SSR4: variants seen among roughly 807,000 people sequenced by gnomAD.
The protein encoded by SSR4 is signal sequence receptor subunit 4.
For missense variants in SSR4, 125 were observed against 148.8 expected (o/e 0.84, Z 0.83); for synonymous variants, 84 against 65.6 (o/e 1.28, Z -1.35).
intron 2 of SSR4, 61 bp downstream of exon 2, chrX:153,796,613 T>G: frequency 3.5e-6 from 3 of 848,055 alleles, no homozygotes; most frequent in Non-Finnish European, 5.3e-6. Context: ...TGCTAGTTGA[T>G]GGGGGACCTG....
At position 153,797,718 on chromosome X, in the gene SSR4, A is replaced by G. The variant is rs782259063; in HGVS notation, c.262-7A>G. 5.0e-6 allele frequency: 6 copies of G among 1,208,624 alleles called. No homozygotes were observed. The highest frequency in any genetic ancestry group is 5.6e-6 in the Non-Finnish European group (5 of 893,424). ...TCTGCCCACACTCTGCTCAACACCC[A>G]ACCCAGGTGTCCTGGAGCCTGGACC... On this transcript the variant is annotated splice_region_variant and splice_polypyrimidine_tract_variant and intron_variant, in intron 3 of 5. Transcript: ENST00000370086.
rs1325781904 is a variant in SSR4 at position 153,797,349 on chromosome X, C to T, written c.187-109C>T. 5 of 655,621 alleles carry T rather than the reference C, an allele frequency of 7.6e-6. No individual in the cohort carries two copies. In the African/African-American group the frequency reaches 1.1e-4, roughly 14 times the overall value. The allele number at this position is 655,621 out of a possible 1,213,427, so 54.0% of individuals were successfully genotyped here. A position where few individuals can be genotyped will look rare whatever the true frequency, so the allele number is the denominator to read the frequency against. ...CTCCTGCCAGGGACACTGCAGCCCC[C>T]AACTGGGCCTAGCCTGCCCACCTGC... On this transcript the variant is annotated intron_variant, in intron 2 of 5. Transcript: ENST00000370086.
At position 153,796,534 on chromosome X, in the gene SSR4, A is replaced by G. The variant is rs201193740; in HGVS notation, c.168A>G (p.Thr56=). The change falls in exon 2 of 6, where the codon ACA becomes ACG. Residue 56 remains threonine (T), a synonymous_variant. Coordinates refer to ENST00000370086, the MANE Select transcript of SSR4 (RefSeq NM_006280.3). ...ETVFIVEISL[T]CKNRVQNMAL... is the part of the protein sequence containing the mutation. ...TCTTCATTGTGGAGATCTCCCTGAC[A>G]TGCAAGAACAGGGTCCAGGTGAGAC... 4.2e-6 allele frequency: 5 copies of G among 1,197,911 alleles called. No homozygotes were observed. The highest frequency in any genetic ancestry group is 5.6e-6 in the Non-Finnish European group (5 of 885,641).
At chrX:153,797,846 T>A in intron 4 of SSR4, 32 bp downstream of exon 4, 3 of 1,107,123 alleles carry the variant, frequency 2.7e-6, no homozygotes, top group Non-Finnish European at 3.7e-6. Context: ...TGTGCTCCCC[T>A]GTCCCTGGGG....
chrX:153,796,804 G>C (rs931897668), intron 2 of SSR4: 111 of 364,951 alleles, frequency 3.0e-4, no homozygotes, highest in African/African-American at 2.6e-3. Context: ...TCTGGACCGG[G>C]AGAAAGGGCC....
chrX:153,794,804 G>T, intron 1 of SSR4, 50 bp downstream of exon 1: 1 of 1,178,432 alleles, frequency 8.5e-7, no homozygotes, highest in Non-Finnish European at 1.1e-6. Flanking sequence ...ACCCACGGCA[G>T]GTGGTGTTGG....
chrX:153,794,377 C>T, upstream of SSR4: 1 of 1,162,754 alleles, frequency 8.6e-7, no homozygotes, highest in Non-Finnish European at 1.1e-6. Context: ...ACCGCTCTCG[C>T]GAGAGTTCGA....
In SSR4 at chrX:153,797,937, T is replaced by C. The variant is rs1374746358; in HGVS notation, c.351+123T>C. 16 of 871,253 alleles carry C rather than the reference T, an allele frequency of 1.8e-5. No homozygotes were observed. In the East Asian group the frequency reaches 4.4e-4, roughly 24 times the overall value. The allele number at this position is 871,253 out of a possible 1,213,427, so 71.8% of individuals were successfully genotyped here. ...TTCTGTGATCCTGTCCCTTCCTCAG[T>C]GTCTCTTGCCCATTTCTCTCCTTTC... is the stretch of plus-strand genomic sequence containing the variant. On this transcript the variant is annotated intron_variant, in intron 4 of 5. Coordinates refer to ENST00000370086, the MANE Select transcript of SSR4 (RefSeq NM_006280.3).
chrX:153,794,289 G>A, upstream of SSR4: 2 of 1,199,340 alleles, frequency 1.7e-6, no homozygotes, highest in South Asian at 1.8e-5. Context: ...CACCGCCTTC[G>A]CGGCGCTGCC....
In SSR4 at chrX:153,798,089, G is replaced by A; in HGVS notation, c.370G>A (p.Asp124Asn). The change falls in exon 5 of 6, where the codon GAC becomes AAC. Residue 124 changes from aspartate to asparagine, a missense_variant. Coordinates refer to ENST00000370086, the MANE Select transcript of SSR4 (RefSeq NM_006280.3). Reference protein sequence around the residue: ...LLRKAQRNNEDISIIPPLFTV... With the variant: ...LLRKAQRNNENISIIPPLFTV... ...CTTGCAGGCTCAGAGGAATAACGAG[G>A]ACATTTCCATCATCCCGCCTCTGTT... The A allele has an allele frequency of 8.3e-7, 1 of 1,210,480 alleles. No individual in the cohort carries two copies. The highest frequency in any genetic ancestry group is 1.1e-6 in the Non-Finnish European group (1 of 895,065).
At chrX:153,796,782 C>T (rs1427837328) in intron 2 of SSR4, 15 of 381,404 alleles carry the variant, frequency 3.9e-5, no homozygotes, top group Non-Finnish European at 6.8e-5. Context: ...CCCGCTGTTT[C>T]CTGAATGAGT....
At chrX:153,794,368 C>G (rs1177283199), upstream of SSR4, 9 of 1,170,671 alleles carry the variant, frequency 7.7e-6, no homozygotes, top group African/African-American at 1.6e-4. Context: ...CACGCAGATA[C>G]CGCTCTCGCG....
chrX:153,795,000 C>T (rs2092130851), intron 1 of SSR4: 1 of 416,837 alleles, frequency 2.4e-6, no homozygotes, highest in African/African-American at 2.5e-5. Flanking sequence ...GCGCCCGGCC[C>T]CCAAGCTGCA....
At chrX:153,794,327 G>A, upstream of SSR4, 1 of 1,195,955 alleles carries the variant, frequency 8.4e-7, no homozygotes, top group Non-Finnish European at 1.1e-6. Context: ...TCAGCGCCAT[G>A]ACGGAAAGTG....
At chrX:153,798,000 T>TGCCCGCCCC in intron 4 of SSR4, 71 bp from the exon 5 acceptor site, 1 of 704,005 alleles carries the variant, frequency 1.4e-6, no homozygotes, top group Non-Finnish European at 2.3e-6. Flanking sequence ...TACCTGTCTT[T>TGCCCGCCCC]CCCCTCCCCT....
At chrX:153,797,625 C>T (rs915178965) in intron 3 of SSR4, 93 bp downstream of exon 3, 4 of 1,120,836 alleles carry the variant, frequency 3.6e-6, no homozygotes, top group South Asian at 3.7e-5. Context: ...GGCCAGGGGC[C>T]GTGGGCTCTG....
chrX:153,795,830 G>A, intron 1 of SSR4: 1 of 754,961 alleles, frequency 1.3e-6, no homozygotes, highest in Non-Finnish European at 1.6e-6. Context: ...CCTTTCCTTT[G>A]GGCCTCTGGT....
chrX:153,794,418 A>T, upstream of SSR4: 1 of 1,136,570 alleles, frequency 8.8e-7, no homozygotes, highest in Non-Finnish European at 1.2e-6. Flanking sequence ...ACAGGCGCGG[A>T]CCCGGTACTG....
rs191701687 is a variant in SSR4 at position 153,797,830 on chromosome X, G to A, written c.351+16G>A. On this transcript the variant is annotated intron_variant, in intron 4 of 5. Coordinates refer to ENST00000370086, the MANE Select transcript of SSR4 (RefSeq NM_006280.3). The stretch of plus-strand genomic sequence containing the variant: ...CCTCAGGAAGGTGAGGACTCCTGTA[G>A]CCCACTGTGCTCCCCTGTCCCTGGG... 1.7e-6 allele frequency: 2 copies of A among 1,157,209 alleles called. No homozygotes were observed. Among genetic ancestry groups the A allele is most frequent in the East Asian group, 6.1e-5 (2 of 33,023 alleles).
Sources: gnomAD v4.1 joint callset for allele counts on GRCh38, gnomAD v4.1.1 for gene constraint, MANE v1.5 for transcripts, NCBI Gene and HGNC (gene_info 2026-07-23, HGNC 2026-07-21) for gene names.